The following SEMA3E variants were observed in gnomAD, a reference collection of about 807,000 sequenced individuals.
SEMA3E encodes semaphorin-3E.
In SEMA3E, 49 loss-of-function variants were observed where a neutral mutation model predicts 93.6. That is an observed-to-expected ratio of 0.52 (90% CI 0.42 to 0.66). The LOEUF (loss-of-function observed/expected upper bound fraction) is 0.66. SEMA3E is among the 30% of genes least tolerant of loss of function. The pLI is 0.00. For missense variants in SEMA3E, 906 were observed against 964.8 expected (o/e 0.94, Z 0.81); for synonymous variants, 363 against 330.7 (o/e 1.10, Z -1.06).
chr7:83,501,234 C>T (rs1040144684), intron 1 of SEMA3E, among the ~76,000 whole-genome samples: 1 of 152,108 alleles, frequency 6.6e-6, no homozygotes, highest in Non-Finnish European at 1.5e-5. Context: ...TCTGCACCAC[C>T]ATAAAACAAA....
intron 1 of SEMA3E, among the ~76,000 whole-genome samples, chr7:83,571,069 TC>T (rs1271026935): frequency 1.5e-5 from 2 of 129,078 alleles, no homozygotes; most frequent in Non-Finnish European, 3.3e-5. Context: ...TGTAATAAAA[TC>T]CCACCAAAAA....
chr7:83,601,311 C>A (rs1792991180), intron 1 of SEMA3E, among the ~76,000 whole-genome samples: 1 of 152,170 alleles, frequency 6.6e-6, no homozygotes, highest in African/African-American at 2.4e-5. Context: ...ATACAAGAGT[C>A]AACAGACTTC....
intron 1 of SEMA3E, among the ~76,000 whole-genome samples, chr7:83,631,574 G>A (rs1793786319): frequency 6.6e-6 from 1 of 152,180 alleles, no homozygotes; most frequent in African/African-American, 2.4e-5. Flanking sequence ...ATTAAGCAAA[G>A]ACACAATAGC....
intron 1 of SEMA3E, among the ~76,000 whole-genome samples, chr7:83,577,901 T>A (rs1206991354): frequency 6.6e-6 from 1 of 152,128 alleles, no homozygotes; most frequent in Non-Finnish European, 1.5e-5. Context: ...AGCAAAAATG[T>A]CTTCATTTAC....
chr7:83,483,796 A>G (rs1790196368), intron 2 of SEMA3E, among the ~76,000 whole-genome samples: 1 of 152,128 alleles, frequency 6.6e-6, no homozygotes, highest in African/African-American at 2.4e-5. Flanking sequence ...GAGGGTGAGG[A>G]TCAACATGTT....
intron 1 of SEMA3E, among the ~76,000 whole-genome samples, chr7:83,544,625 A>G (rs1369018308): frequency 6.6e-6 from 1 of 152,154 alleles, no homozygotes; most frequent in Non-Finnish European, 1.5e-5. Flanking sequence ...TATGAATAAT[A>G]TTTTCATTTT....
chr7:83,464,329 A>G (rs948573516), intron 4 of SEMA3E, among the ~76,000 whole-genome samples: 28 of 151,720 alleles, frequency 1.8e-4, no homozygotes, highest in African/African-American at 6.5e-4. Flanking sequence ...GCTCCTTTTT[A>G]TTAGGCCCCA....
chr7:83,377,648 A>T (rs2709899), intron 16 of SEMA3E, among the ~76,000 whole-genome samples: 147,979 of 152,068 alleles, frequency 0.97, 72,136 homozygotes, highest in East Asian at 1. Context: ...TATTCCTAAG[A>T]CAGAACATTT....
chr7:83,566,204 T>C (rs215241), intron 1 of SEMA3E, among the ~76,000 whole-genome samples: 3,574 of 151,026 alleles, frequency 0.024, 141 homozygotes, highest in African/African-American at 0.082. Flanking sequence ...GACGGGGTTT[T>C]ACCGTGCTGG....
At chr7:83,507,174 G>C (rs1296552117) in intron 1 of SEMA3E, among the ~76,000 whole-genome samples, 1 of 152,042 alleles carries the variant, frequency 6.6e-6, no homozygotes, top group Non-Finnish European at 1.5e-5. Context: ...AGTCAAATAT[G>C]ATCTTTAAAA....
At chr7:83,490,895 T>A (rs1472362084) in intron 1 of SEMA3E, among the ~76,000 whole-genome samples, 1 of 152,126 alleles carries the variant, frequency 6.6e-6, no homozygotes, top group Non-Finnish European at 1.5e-5. Context: ...ATGTAAGAAG[T>A]CAGAATCTGG....
chr7:83,467,275 C>T (rs896540409), intron 3 of SEMA3E, among the ~76,000 whole-genome samples: 2 of 152,054 alleles, frequency 1.3e-5, no homozygotes, highest in African/African-American at 4.8e-5. Context: ...CCATGTTGCC[C>T]AGGCTAGTCT....
At chr7:83,479,318 T>A (rs1790092619) in intron 2 of SEMA3E, among the ~76,000 whole-genome samples, 1 of 152,224 alleles carries the variant, frequency 6.6e-6, no homozygotes, top group Non-Finnish European at 1.5e-5. Context: ...TTTCTTAGCA[T>A]TTTATTTGAA....
intron 7 of SEMA3E, 143 bp from the exon 8 acceptor site, chr7:83,406,202 A>G (rs2115644246): frequency 2.9e-6 from 2 of 699,996 alleles, no homozygotes; most frequent in East Asian, 2.7e-5. Context: ...AAGTAATGTC[A>G]TAGGTGCAAC....
chr7:83,520,542 G>A (rs1424582862), intron 1 of SEMA3E, among the ~76,000 whole-genome samples: 1 of 152,002 alleles, frequency 6.6e-6, no homozygotes, highest in East Asian at 1.9e-4. Flanking sequence ...AAAAAGTCTG[G>A]GTAGAATCAA....
At chr7:83,372,800 G>A (rs1300319979) in intron 16 of SEMA3E, 1 of 152,054 alleles carries the variant, frequency 6.6e-6, no homozygotes, top group Non-Finnish European at 1.5e-5. Context: ...ACATTATGTA[G>A]GTTAAATCAC....
intron 1 of SEMA3E, among the ~76,000 whole-genome samples, chr7:83,513,844 T>C (rs1322254230): frequency 6.6e-6 from 1 of 152,162 alleles, no homozygotes; most frequent in African/African-American, 2.4e-5. Flanking sequence ...GCTTTTAATA[T>C]AAATGTACCA....
chr7:83,521,298 G>C (rs1291534944), intron 1 of SEMA3E, among the ~76,000 whole-genome samples: 6 of 151,984 alleles, frequency 3.9e-5, no homozygotes, highest in African/African-American at 9.7e-5. Flanking sequence ...GGTTCAACCT[G>C]GAAAGTCATG....
intron 1 of SEMA3E, among the ~76,000 whole-genome samples, chr7:83,563,477 G>A (rs920024400): frequency 6.6e-5 from 10 of 152,034 alleles, no homozygotes; most frequent in African/African-American, 2.4e-4. Flanking sequence ...GTGGTCTCTG[G>A]ACCAGCAACA....
Sources: gnomAD v4.1 joint callset for allele counts (sites outside exome capture counted in the v4.1 genomes callset) on GRCh38, gnomAD v4.1.1 for gene constraint, MANE v1.5 for transcripts, NCBI Gene and HGNC (gene_info 2026-07-23, HGNC 2026-07-21) for gene names.